The following KALRN variants were observed in gnomAD, a reference collection of about 807,000 sequenced individuals.
The protein encoded by KALRN is kalirin RhoGEF kinase.
A neutral mutation model predicts 353.7 loss-of-function variants in KALRN; 70 were observed. The ratio of observed to expected loss-of-function variants is 0.20; its 90% CI spans 0.16 to 0.24. The LOEUF is 0.24. Among genes scored for constraint, KALRN ranks in the 10% least tolerant of loss-of-function variants. The pLI is 1.00. For missense variants in KALRN, 2,791 were observed against 3,756.7 expected, an observed-to-expected ratio of 0.74 and a Z score of 6.72; for synonymous variants, 1,391 against 1,434.8, an observed-to-expected ratio of 0.97 and a Z score of 0.69.
intron 23 of KALRN, among the ~76,000 whole-genome samples, chr3:124,458,701 G>A (rs1292365267): frequency 6.6e-6 from 1 of 152,178 alleles, no homozygotes; most frequent in Admixed American, 6.5e-5. Context: ...GCTGAGGTGG[G>A]CAGATCACCT....
chr3:124,420,515 T>G (rs1451322580), intron 14 of KALRN, among the ~76,000 whole-genome samples: 4 of 152,210 alleles, frequency 2.6e-5, no homozygotes, highest in African/African-American at 7.2e-5. Context: ...AATTTTTGTA[T>G]TCTTACTTTT....
chr3:124,355,638 G>A lies in KALRN; in HGVS notation c.1770+8373G>A, dbSNP rs565348324. Among the ~76,000 whole-genome samples, 303 of 151,164 alleles carry A rather than the reference G, an allele frequency of 2.0e-3. 2 individuals are homozygous for A. The highest frequency in any genetic ancestry group is 7.2e-3 in the African/African-American group (295 of 41,132). ...AGTGCCTTGTGATGTAGTGTGCTTC[G>A]TCCCACTGGAGGTTTTCCGATACAG... On this transcript the variant is annotated intron_variant, in intron 10 of 59. Transcript: ENST00000682506.
intron 9 of KALRN, among the ~76,000 whole-genome samples, chr3:124,343,053 A>C (rs1439897832): frequency 6.6e-6 from 1 of 152,188 alleles, no homozygotes. Context: ...AGACACTGCC[A>C]TTGGCCTCGC....
intron 34 of KALRN, among the ~76,000 whole-genome samples, chr3:124,629,431 A>G (rs2080490365): frequency 6.6e-6 from 1 of 152,244 alleles, no homozygotes; most frequent in African/African-American, 2.4e-5. Context: ...TAGTCTCATA[A>G]TAAAGTTTAT....
At chr3:124,223,659 T>A (rs2078166178) in intron 1 of KALRN, among the ~76,000 whole-genome samples, 1 of 152,204 alleles carries the variant, frequency 6.6e-6, no homozygotes, top group Admixed American at 6.5e-5. Flanking sequence ...AAATCAGGAA[T>A]GCTTTCTGAA....
At chr3:124,384,633 G>C (rs777486854) in intron 10 of KALRN, 42 of 471,668 alleles carry the variant, frequency 8.9e-5, no homozygotes, top group Non-Finnish European at 1.4e-4. Flanking sequence ...AGAAATCCCA[G>C]GGGTGGATGA....
intron 28 of KALRN, among the ~76,000 whole-genome samples, chr3:124,487,832 T>C (rs568364959): frequency 6.6e-6 from 1 of 152,254 alleles, no homozygotes; most frequent in African/African-American, 2.4e-5. Context: ...TCCTCATTCT[T>C]CTCTTTATTC....
intron 33 of KALRN, among the ~76,000 whole-genome samples, chr3:124,513,418 G>A (rs548439348): frequency 2.0e-5 from 3 of 152,176 alleles, no homozygotes; most frequent in East Asian, 1.9e-4. Context: ...ATGGGGACAC[G>A]GGGACCCAGG....
At chr3:124,333,580 T>G (rs1450861105) in intron 8 of KALRN, among the ~76,000 whole-genome samples, 1 of 152,118 alleles carries the variant, frequency 6.6e-6, no homozygotes, top group Non-Finnish European at 1.5e-5. Context: ...TCTGACCTGG[T>G]GTGAGTCAGT....
At chr3:124,534,459 G>T (rs1187202724) in intron 33 of KALRN, among the ~76,000 whole-genome samples, 1 of 152,108 alleles carries the variant, frequency 6.6e-6, no homozygotes, top group African/African-American at 2.4e-5. Context: ...GTTGACAAGT[G>T]CAGCAAACCA....
intron 36 of KALRN, among the ~76,000 whole-genome samples, chr3:124,634,262 C>T (rs559208046): frequency 5.8e-4 from 89 of 152,292 alleles, no homozygotes; most frequent in Non-Finnish European, 1.1e-3. Flanking sequence ...AGGAGCAATT[C>T]CAGGTAGTTC....
intron 1 of KALRN, among the ~76,000 whole-genome samples, chr3:124,101,326 A>G (rs1299050483): frequency 6.6e-6 from 1 of 152,226 alleles, no homozygotes; most frequent in African/African-American, 2.4e-5. Context: ...CTTGGTTAGT[A>G]TAACTCATAC....
chr3:124,656,860 T>G (rs2084113626), intron 39 of KALRN, among the ~76,000 whole-genome samples: 1 of 152,058 alleles, frequency 6.6e-6, no homozygotes, highest in African/African-American at 2.4e-5. Context: ...AGAGGTACAA[T>G]AGCTTCCATA....
chr3:124,279,681 T>C (rs918668196), intron 5 of KALRN, among the ~76,000 whole-genome samples: 1 of 152,182 alleles, frequency 6.6e-6, no homozygotes, highest in African/African-American at 2.4e-5. Context: ...GGCAGGATCT[T>C]AGAGAACACT....
intron 11 of KALRN, among the ~76,000 whole-genome samples, chr3:124,387,511 T>C (rs890304016): frequency 6.6e-6 from 1 of 152,228 alleles, no homozygotes; most frequent in Non-Finnish European, 1.5e-5. Context: ...AGCTAGGTTG[T>C]AGTAAGTACG....
intron 10 of KALRN, among the ~76,000 whole-genome samples, chr3:124,362,034 C>T (rs1279637550): frequency 2.6e-5 from 4 of 151,998 alleles, no homozygotes; most frequent in African/African-American, 4.8e-5. Flanking sequence ...ACTTCCTGGC[C>T]GTGGCATTCA....
Position 124,671,763 on chromosome 3 carries a change from T to C in KALRN, c.6807T>C (p.Ser2269=). 1 of 1,614,168 alleles carries C rather than the reference T, an allele frequency of 6.2e-7. No individual in the cohort carries two copies. ...LPQASPRPYS[S]VPAGSEKPPK... is the part of the protein sequence containing the mutation. ...AAGCCAGCCCCAGGCCCTACTCCTC[T>C]GTTCCTGCGGGCTCAGAGAAGCCCC... The change falls in exon 48 of 60, where the codon TCT becomes TCC. Residue 2269 remains serine, a synonymous_variant. Coordinates refer to ENST00000682506, the MANE Select transcript of KALRN (RefSeq NM_001388419.1).
chr3:124,377,351 G>A (rs1576426921), intron 10 of KALRN, among the ~76,000 whole-genome samples: 1 of 152,248 alleles, frequency 6.6e-6, no homozygotes, highest in East Asian at 1.9e-4. Flanking sequence ...TAATTTGTGA[G>A]TATTCTGGTA....
At chr3:124,071,338 G>A (rs1336647477) in intron 1 of KALRN, among the ~76,000 whole-genome samples, 1 of 152,116 alleles carries the variant, frequency 6.6e-6, no homozygotes, top group Non-Finnish European at 1.5e-5. Flanking sequence ...AGTTACTCCC[G>A]TTTATAGCGC....
Sources: allele counts gnomAD v4.1 joint callset (sites outside exome capture counted in the v4.1 genomes callset), GRCh38; gene constraint gnomAD v4.1.1; transcripts MANE v1.5; gene names NCBI Gene and HGNC (gene_info 2026-07-23, HGNC 2026-07-21).